Variants in RBM41 observed in about 807,000 individuals in gnomAD.
RBM41 encodes RNA-binding protein 41.
In RBM41, 14 loss-of-function variants were observed where a neutral mutation model predicts 30.8. The ratio of observed to expected loss-of-function variants is 0.45; its 90% confidence interval spans 0.30 to 0.71. The LOEUF is 0.71. RBM41 is among the 30% of genes least tolerant of loss of function. The pLI, the probability that RBM41 is intolerant of heterozygous loss-of-function variation, is 0.08. For synonymous variants in RBM41, 120 were observed against 110.1 expected (o/e 1.09, Z -0.56); for missense variants, 276 against 326.3 (o/e 0.85, Z 1.19).
chrX:107,093,493 G>C (rs1389618557), intron 5 of RBM41, among the ~76,000 whole-genome samples: 3 of 111,829 alleles, frequency 2.7e-5, no homozygotes, highest in Non-Finnish European at 5.7e-5. Context: ...AATAACCCAT[G>C]GGTCAAAGAA....
Position 107,062,598 on chromosome X carries a change from A to AGCCAT in RBM41, c.*4924_*4928dup, listed in dbSNP as rs1453448239. ...GAGTAGGCCTGACAAATATTCTGGA[A>AGCCAT]GCCATGCCATTGGCAGAATATTTTT... is the stretch of plus-strand genomic sequence containing the variant. On this transcript the variant is annotated 3_prime_UTR_variant, in exon 8 of 8. Coordinates refer to ENST00000685964, the MANE Select transcript of RBM41 (RefSeq NM_001324242.2). Among the ~76,000 whole-genome samples the AGCCAT allele has an allele frequency of 9.0e-6, 1 of 110,899 alleles. No homozygotes were observed. Among genetic ancestry groups the AGCCAT allele is most frequent in the African/African-American group, 3.3e-5 (1 of 30,400 alleles).
chrX:107,106,579 T>C (rs1204178618), intron 5 of RBM41, among the ~76,000 whole-genome samples: 5 of 111,529 alleles, frequency 4.5e-5, no homozygotes, highest in Admixed American at 9.5e-5. Flanking sequence ...TGTATGTTTA[T>C]TGCGGCACTA....
intron 6 of RBM41, among the ~76,000 whole-genome samples, chrX:107,083,511 T>G (rs1356663660): frequency 9.0e-6 from 1 of 111,423 alleles, no homozygotes; most frequent in Non-Finnish European, 1.9e-5. Context: ...TTTTCTCTTC[T>G]CCTTTTGGTA....
intron 6 of RBM41, among the ~76,000 whole-genome samples, chrX:107,076,287 A>G (rs758696140): frequency 3.7e-5 from 4 of 108,277 alleles, no homozygotes; most frequent in Non-Finnish European, 7.6e-5. Flanking sequence ...ACTGTATTCC[A>G]GCTCAGACGA....
intron 5 of RBM41, among the ~76,000 whole-genome samples, chrX:107,100,198 C>T: frequency 8.9e-6 from 1 of 112,400 alleles, no homozygotes; most frequent in Non-Finnish European, 1.9e-5. Context: ...TGTGGTGGCT[C>T]ATGCCTACAA....
At chrX:107,118,730 C>T in intron 1 of RBM41, 36 bp downstream of exon 1, 3 of 1,210,814 alleles carry the variant, frequency 2.5e-6, no homozygotes, top group Non-Finnish European at 3.4e-6. Context: ...TAGAACAAAG[C>T]TCCCCTTGCC....
chrX:107,098,315 T>C (rs1472174696), intron 5 of RBM41, among the ~76,000 whole-genome samples: 1 of 111,601 alleles, frequency 9.0e-6, no homozygotes, highest in East Asian at 2.8e-4. Context: ...CAAATTTACA[T>C]GGAAAGGCAA....
chrX:107,118,115 ATAGT>A (rs1328907822), intron 1 of RBM41, among the ~76,000 whole-genome samples: 1 of 110,852 alleles, frequency 9.0e-6, no homozygotes, highest in African/African-American at 3.3e-5. Context: ...AAGCCCGTCA[ATAGT>A]TAGGAGGCTC....
At chrX:107,056,902 A>C (rs1470653148), downstream of RBM41, among the ~76,000 whole-genome samples, 2 of 103,426 alleles carry the variant, frequency 1.9e-5, no homozygotes, top group Non-Finnish European at 3.9e-5. Flanking sequence ...GGGGGGGGCG[A>C]CAGGGTCTCA....
chrX:107,110,429 G>A (rs1924370802), intron 5 of RBM41, among the ~76,000 whole-genome samples: 1 of 111,249 alleles, frequency 9.0e-6, no homozygotes, highest in South Asian at 3.7e-4. Context: ...ACTACAAAAT[G>A]TTGCTGAAAG....
intron 5 of RBM41, among the ~76,000 whole-genome samples, chrX:107,106,901 G>A (rs1305240006): frequency 9.2e-6 from 1 of 108,366 alleles, no homozygotes; most frequent in Non-Finnish European, 1.9e-5. Flanking sequence ...GATAGCATTA[G>A]GAGATATACC....
At position 107,099,690 on chromosome X, in the gene RBM41, T is replaced by TACACACACAC. The variant is rs58279760; in HGVS notation, c.596-10861_596-10852dup. Among the ~76,000 whole-genome samples the TACACACACAC allele has an allele frequency of 3.7e-4, 34 of 92,536 alleles. 1 individual carries two copies. The highest frequency in any genetic ancestry group is 1.3e-3 in the African/African-American group (33 of 25,556). The allele number at this position is 92,536 out of a possible 115,157, so 80.4% of individuals were successfully genotyped here. A position where few individuals can be genotyped will look rare whatever the true frequency, so the allele number is the denominator to read the frequency against. ...ACTCTTAAAATGACATCCTGAAAGG[T>TACACACACAC]ACACACACACACACACACACACACA... On this transcript the variant is annotated intron_variant, in intron 5 of 7. Transcript: ENST00000685964.
chrX:107,052,246 T>C, the RBM41 span, among the ~76,000 whole-genome samples: 2 of 111,621 alleles, frequency 1.8e-5, no homozygotes, highest in Non-Finnish European at 3.8e-5. Context: ...TCATTGTCCC[T>C]CTTGCTGTGC....
At chrX:107,103,994 G>T (rs1923708129) in intron 5 of RBM41, among the ~76,000 whole-genome samples, 1 of 110,658 alleles carries the variant, frequency 9.0e-6, no homozygotes, top group African/African-American at 3.3e-5. Flanking sequence ...ATAACATATT[G>T]GTAGCTTGAA....
At chrX:107,087,150 TA>T (rs1922107404) in intron 6 of RBM41, among the ~76,000 whole-genome samples, 1 of 111,790 alleles carries the variant, frequency 8.9e-6, no homozygotes, top group Non-Finnish European at 1.9e-5. Flanking sequence ...AATGCTTTAT[TA>T]TTTTTTTAAT....
At chrX:107,098,333 A>T (rs915652860) in intron 5 of RBM41, among the ~76,000 whole-genome samples, 4 of 112,040 alleles carry the variant, frequency 3.6e-5, no homozygotes, top group African/African-American at 1.3e-4. Flanking sequence ...CAAAGTGTCA[A>T]AAGTAGACAA....
chrX:107,110,557 C>T (rs1018603579), intron 5 of RBM41, among the ~76,000 whole-genome samples: 10 of 110,753 alleles, frequency 9.0e-5, no homozygotes, highest in African/African-American at 2.6e-4. Flanking sequence ...CCTACCAAAA[C>T]GTCAATAACA....
At chrX:107,107,019 TA>T (rs1216955222) in intron 5 of RBM41, among the ~76,000 whole-genome samples, 1 of 111,275 alleles carries the variant, frequency 9.0e-6, no homozygotes, top group Non-Finnish European at 1.9e-5. Context: ...TAAAGTATAA[TA>T]AAAAAAGAGG....
At chrX:107,060,564 C>T (rs1298559769), downstream of RBM41, among the ~76,000 whole-genome samples, 1 of 111,727 alleles carries the variant, frequency 9.0e-6, no homozygotes, top group African/African-American at 3.3e-5. Context: ...ACACCTTGAT[C>T]TTGGACTTCT....
Sources: gnomAD v4.1 joint callset for allele counts (sites outside exome capture counted in the v4.1 genomes callset) on GRCh38, gnomAD v4.1.1 for gene constraint, MANE v1.5 for transcripts, NCBI Gene and HGNC (gene_info 2026-07-23, HGNC 2026-07-21) for gene names.